CSPP1: variants seen among roughly 807,000 people sequenced by gnomAD.
CSPP1 encodes the protein centrosome and spindle pole-associated protein 1.
In CSPP1, 126 loss-of-function variants were observed where a neutral mutation model predicts 164.4. The ratio of observed to expected loss-of-function variants is 0.77; its 90% CI spans 0.66 to 0.89. The LOEUF (loss-of-function observed/expected upper bound fraction) is 0.89, where lower values mean the gene tolerates loss of function less well. Ranked by LOEUF, CSPP1 falls within the 40% of genes least tolerant of loss-of-function variation. CSPP1 has a pLI of 0.00. For synonymous variants in CSPP1, 472 were observed against 476.7 expected, an observed-to-expected ratio of 0.99 and a Z score of 0.13; for missense variants, 1,395 against 1,449.8, an observed-to-expected ratio of 0.96 and a Z score of 0.61.
chr8:67,190,645 C>G lies in CSPP1; in HGVS notation c.3221-5C>G. On this transcript the variant is annotated splice_region_variant and splice_polypyrimidine_tract_variant and intron_variant, in intron 28 of 30. Coordinates refer to ENST00000678616, the MANE Select transcript of CSPP1 (RefSeq NM_001382391.1). ...GACTCCTTCTGCTTTTCGGGGTCCTCTTAGGGGCTTACGGTGAGACATATC... is the reference window on the plus strand; with the variant it reads ...GACTCCTTCTGCTTTTCGGGGTCCTGTTAGGGGCTTACGGTGAGACATATC... The G allele has an allele frequency of 6.2e-7, 1 of 1,612,170 alleles. No individual in the cohort carries two copies. Among genetic ancestry groups the G allele is most frequent in the Non-Finnish European group, 8.5e-7 (1 of 1,178,198 alleles).
chr8:67,081,359 A>AT (rs11388400), intron 3 of CSPP1, among the ~76,000 whole-genome samples: 15,847 of 150,586 alleles, frequency 0.11, 1,004 homozygotes, highest in African/African-American at 0.18. Flanking sequence ...AAAGGATTCA[A>AT]TTTTTTTTTT....
intron 7 of CSPP1, among the ~76,000 whole-genome samples, chr8:67,100,105 A>G (rs1385362045): frequency 6.6e-6 from 1 of 152,086 alleles, no homozygotes. Context: ...TCTTGATCTT[A>G]TAATTATTGG....
chr8:67,125,566 A>AC (rs1158345505), intron 15 of CSPP1, among the ~76,000 whole-genome samples: 2 of 151,772 alleles, frequency 1.3e-5, no homozygotes, highest in African/African-American at 4.8e-5. Flanking sequence ...TCTTCCTGAG[A>AC]CCCCCATTGG....
chr8:67,150,011 CT>C, intron 18 of CSPP1, 76 bp downstream of exon 18: 1 of 1,322,432 alleles, frequency 7.6e-7, no homozygotes, highest in Non-Finnish European at 9.8e-7. Context: ...TGTTCTGTGA[CT>C]AAGTTCTTAT....
rs948232734 is a variant in CSPP1, at chr8:67,064,524, A to T, written c.-25A>T. On this transcript the variant is annotated 5_prime_UTR_variant, in exon 1 of 31. Transcript: ENST00000678616. ...AAGAGTCAGCCAGCCGCGGATGGGG[A>T]GCGTGAGTGGCGAGGTGTGGCCTGG... 1.5e-5 allele frequency: 24 copies of T among 1,611,048 alleles called. No individual in the cohort carries two copies. Among genetic ancestry groups the T allele is most frequent in the Non-Finnish European group, 2.0e-5 (23 of 1,179,164 alleles).
chr8:67,090,102 C>T (rs536975154), intron 4 of CSPP1, among the ~76,000 whole-genome samples: 1 of 152,036 alleles, frequency 6.6e-6, no homozygotes, highest in Non-Finnish European at 1.5e-5. Context: ...GTTTTTCATG[C>T]ATTTATAACT....
At chr8:67,117,064 C>T (rs1818081191) in intron 13 of CSPP1, among the ~76,000 whole-genome samples, 1 of 152,076 alleles carries the variant, frequency 6.6e-6, no homozygotes. Flanking sequence ...GGATTTTGGG[C>T]AAACCACACC....
intron 3 of CSPP1, among the ~76,000 whole-genome samples, chr8:67,081,327 T>C (rs1809128426): frequency 6.6e-6 from 1 of 152,158 alleles, no homozygotes; most frequent in Admixed American, 6.5e-5. Context: ...GATTTAGAGG[T>C]TACCTCCCAG....
At chr8:67,180,455 T>C (rs1326210226) in intron 28 of CSPP1, among the ~76,000 whole-genome samples, 4 of 152,146 alleles carry the variant, frequency 2.6e-5, no homozygotes, top group Admixed American at 2.6e-4. Context: ...GTGTATATGG[T>C]TATAAAAGGG....
intron 7 of CSPP1, among the ~76,000 whole-genome samples, chr8:67,097,566 G>A (rs1352878933): frequency 6.6e-6 from 1 of 151,996 alleles, no homozygotes; most frequent in Non-Finnish European, 1.5e-5. Flanking sequence ...TTTGACTCTT[G>A]GTGATAATGT....
At chr8:67,076,633 T>C (rs757503066) in intron 3 of CSPP1, 52 bp downstream of exon 3, 13 of 993,826 alleles carry the variant, frequency 1.3e-5, no homozygotes, top group Non-Finnish European at 2.0e-5. Context: ...AGTGGGCTCT[T>C]CTGAAAGAGG....
At chr8:67,161,667 T>A (rs1328918159) in intron 21 of CSPP1, 144 bp from the exon 22 acceptor site, 1 of 506,608 alleles carries the variant, frequency 2.0e-6, no homozygotes, top group Non-Finnish European at 3.5e-6. Flanking sequence ...TTCTGACTTT[T>A]GTAGAAAGCA....
At position 67,114,018 on chromosome 8, in the gene CSPP1, T is replaced by G. The variant is rs1200381923; in HGVS notation, c.1245+156T>G. 9.7e-6 allele frequency: 5 copies of G among 515,858 alleles called. No individual in the cohort carries two copies. In the Admixed American group the frequency reaches 1.5e-4, roughly 16 times the overall value. The allele number at this position is 515,858 out of a possible 1,614,324, so 32.0% of individuals were successfully genotyped here. On this transcript the variant is annotated intron_variant, in intron 11 of 30. Transcript: ENST00000678616. ...AATTCAGTTCTCATAAAGTGTAAAT[T>G]CTCTTAACTGTTATTTCCTTGAGGT...
intron 15 of CSPP1, among the ~76,000 whole-genome samples, chr8:67,128,607 AG>A (rs1393703165): frequency 6.6e-6 from 1 of 152,058 alleles, no homozygotes; most frequent in Non-Finnish European, 1.5e-5. Flanking sequence ...TGTGGAATGA[AG>A]GAATACTCTC....
intron 1 of CSPP1, among the ~76,000 whole-genome samples, chr8:67,065,707 T>A (rs995860668): frequency 1.3e-5 from 2 of 152,038 alleles, no homozygotes; most frequent in African/African-American, 4.8e-5. Context: ...GCAGTGGCAT[T>A]AGTAGAGAAG....
chr8:67,179,122 G>A (rs1377215573), intron 27 of CSPP1, among the ~76,000 whole-genome samples: 2 of 152,166 alleles, frequency 1.3e-5, no homozygotes, highest in Non-Finnish European at 2.9e-5. Context: ...GTGCAGGGAG[G>A]TGGAGTTGGA....
chr8:67,192,121 G>A (rs1237187592), intron 29 of CSPP1, among the ~76,000 whole-genome samples: 1 of 147,236 alleles, frequency 6.8e-6, no homozygotes, highest in African/African-American at 2.5e-5. Context: ...CACCTAGGCT[G>A]GATTGCAGTG....
chr8:67,094,514 C>T (rs963811635), intron 6 of CSPP1, among the ~76,000 whole-genome samples: 11 of 151,758 alleles, frequency 7.2e-5, no homozygotes, highest in African/African-American at 1.5e-4. Context: ...CCTTGTGATC[C>T]GCCTGCCTCG....
intron 12 of CSPP1, chr8:67,115,312 CT>C (rs2129550702): frequency 6.6e-6 from 1 of 152,366 alleles, no homozygotes; most frequent in East Asian, 1.9e-4. Context: ...TAATTATTTA[CT>C]AATAGTGAGA....
Sources: gnomAD v4.1 joint callset for allele counts (sites outside exome capture counted in the v4.1 genomes callset) on GRCh38, gnomAD v4.1.1 for gene constraint, MANE v1.5 for transcripts, NCBI Gene and HGNC (gene_info 2026-07-23, HGNC 2026-07-21) for gene names.